The following ALKBH8 variants were observed in gnomAD, a reference collection of about 807,000 sequenced individuals.
ALKBH8 encodes alkB homolog 8, tRNA methyltransferase, also known as tRNA (carboxymethyluridine(34)-5-O)-methyltransferase ALKBH8.
In ALKBH8, 36 loss-of-function variants were observed where a neutral mutation model predicts 59.8. That is an observed-to-expected ratio of 0.60 (90% CI 0.46 to 0.79). The LOEUF is 0.79. Among genes scored for constraint, ALKBH8 ranks in the 30% least tolerant of loss-of-function variants. ALKBH8 has a pLI of 0.00. For synonymous variants in ALKBH8, 276 were observed against 273.6 expected, an observed-to-expected ratio of 1.01 and a Z score of -0.09; for missense variants, 768 against 801.0, an observed-to-expected ratio of 0.96 and a Z score of 0.50.
chr11:107,532,723 G>T lies in ALKBH8; in HGVS notation c.772-317C>A, dbSNP rs972986934. ...CAGGATCACACCGTAGAAAACAGCAGAGTAGAGGTCAAACACAGGGACTTT... is the reference window on the plus strand; with the variant it reads ...CAGGATCACACCGTAGAAAACAGCATAGTAGAGGTCAAACACAGGGACTTT... On this transcript the variant is annotated intron_variant, in intron 7 of 11. Coordinates refer to ENST00000428149, the MANE Select transcript of ALKBH8 (RefSeq NM_138775.3). Among the ~76,000 whole-genome samples, 4 of 152,240 alleles carry T rather than the reference G, an allele frequency of 2.6e-5. No homozygotes were observed. In the South Asian group the frequency reaches 8.3e-4, roughly 32 times the overall value.
chr11:107,521,427 G>T (rs901722208), intron 10 of ALKBH8, among the ~76,000 whole-genome samples: 1 of 151,786 alleles, frequency 6.6e-6, no homozygotes, highest in Non-Finnish European at 1.5e-5. Context: ...CTTCATGTAG[G>T]TGCACAATAT....
At chr11:107,545,776 G>C (rs1467104110) in intron 7 of ALKBH8, among the ~76,000 whole-genome samples, 2 of 152,104 alleles carry the variant, frequency 1.3e-5, no homozygotes, top group African/African-American at 4.8e-5. Flanking sequence ...CCAGTGCAAT[G>C]CAAACCCAAA....
At chr11:107,509,540 G>A (rs1394124068) in intron 11 of ALKBH8, among the ~76,000 whole-genome samples, 1 of 151,990 alleles carries the variant, frequency 6.6e-6, no homozygotes. Context: ...TGTTGCCTGT[G>A]CTTTTAGTAT....
rs112063060 is a variant in ALKBH8 at position 107,551,465 on chromosome 11, G to A, written c.700+343C>T. On this transcript the variant is annotated intron_variant, in intron 6 of 11. Transcript: ENST00000428149. ...TCCCAGCACTTTGGGAGGCTGAGGC[G>A]GGCAGATCACCTGAGGTCAGGAGTT... 6.9e-3 allele frequency among the ~76,000 whole-genome samples: 1,056 copies of A among 151,990 alleles called. 9 individuals carry two copies. Among genetic ancestry groups the A allele is most frequent in the African/African-American group, 0.024 (992 of 41,470 alleles).
At chr11:107,533,044 C>CA (rs900975942) in intron 7 of ALKBH8, among the ~76,000 whole-genome samples, 10 of 148,990 alleles carry the variant, frequency 6.7e-5, no homozygotes, top group South Asian at 4.3e-4. Context: ...AAGAGACAAT[C>CA]AAAAAAAAAG....
At position 107,560,748 on chromosome 11, in the gene ALKBH8, T is replaced by C. The variant is rs201726946; in HGVS notation, c.129+17A>G. 3.5e-5 allele frequency: 55 copies of C among 1,588,876 alleles called. No individual in the cohort carries two copies. In the East Asian group the frequency reaches 7.8e-4, roughly 23 times the overall value. On this transcript the variant is annotated intron_variant, in intron 2 of 11. Coordinates refer to ENST00000428149, the MANE Select transcript of ALKBH8 (RefSeq NM_138775.3). ...CAGTACATTTACATTCTAATAATAA[T>C]AGTAGTTTTAGGTCACCTGAGTGGC...
chr11:107,546,479 C>A (rs1864259915), intron 7 of ALKBH8, among the ~76,000 whole-genome samples: 1 of 152,096 alleles, frequency 6.6e-6, no homozygotes, highest in Non-Finnish European at 1.5e-5. Flanking sequence ...CCCGATGCAG[C>A]CTACTCCTTG....
At chr11:107,534,098 C>T (rs2135529681) in intron 7 of ALKBH8, among the ~76,000 whole-genome samples, 1 of 152,112 alleles carries the variant, frequency 6.6e-6, no homozygotes, top group Non-Finnish European at 1.5e-5. Flanking sequence ...CCACTACACT[C>T]CAGCCTGGGA....
chr11:107,518,353 T>C (rs1322650736), intron 10 of ALKBH8, among the ~76,000 whole-genome samples: 2 of 152,212 alleles, frequency 1.3e-5, no homozygotes, highest in African/African-American at 2.4e-5. Context: ...TGAAGTGCAG[T>C]GTGCGATTAT....
At chr11:107,553,050 TCTA>T (rs1565345897) in intron 5 of ALKBH8, 55 bp downstream of exon 5, 2 of 1,039,036 alleles carry the variant, frequency 1.9e-6, no homozygotes, top group Non-Finnish European at 2.8e-6. Flanking sequence ...ACTATCATAT[TCTA>T]CTAATATATT....
chr11:107,540,874 T>A (rs1184610319), intron 7 of ALKBH8, among the ~76,000 whole-genome samples: 1 of 152,262 alleles, frequency 6.6e-6, no homozygotes. Context: ...TAAATTATAT[T>A]CAACAAATAT....
chr11:107,556,848 T>C lies in ALKBH8; in HGVS notation c.285A>G (p.Arg95=), dbSNP rs1273055416. The C allele has an allele frequency of 3.8e-6, 6 of 1,583,394 alleles. No homozygotes were observed. ...ARYRTTEESK[R]AYVTLNGKEV... is the part of the protein sequence containing the mutation. ...CTTTTCCATTGAGGGTAACATAGGC[T>C]CTCTTAGATTCTTCTGTAGTTCTGT... is the stretch of plus-strand genomic sequence containing the variant. The change falls in exon 3 of 12, where the codon AGA becomes AGG. Residue 95 remains arginine (R), a synonymous_variant. Transcript: ENST00000428149.
chr11:107,515,633 A>G (rs1862831697), intron 10 of ALKBH8, among the ~76,000 whole-genome samples: 2 of 152,196 alleles, frequency 1.3e-5, no homozygotes, highest in South Asian at 4.1e-4. Flanking sequence ...CTAGGATTAC[A>G]GGTATGACCC....
chr11:107,563,737 C>T (rs2135601346), intron 1 of ALKBH8: 1 of 152,322 alleles, frequency 6.6e-6, no homozygotes, highest in Middle Eastern at 3.4e-3. Flanking sequence ...TGAGCAAACA[C>T]TGCAAAGAAG....
chr11:107,529,969 G>T (rs111410010), intron 8 of ALKBH8, among the ~76,000 whole-genome samples: 1 of 152,088 alleles, frequency 6.6e-6, no homozygotes, highest in Non-Finnish European at 1.5e-5. Context: ...AGAGAAGTAG[G>T]CCCCCACCTA....
intron 6 of ALKBH8, among the ~76,000 whole-genome samples, chr11:107,550,627 A>AG (rs1310890223): frequency 6.6e-6 from 1 of 152,230 alleles, no homozygotes; most frequent in Non-Finnish European, 1.5e-5. Flanking sequence ...TCTAATTCAG[A>AG]GGTGTAGTAT....
At chr11:107,532,793 G>A (rs771848990) in intron 7 of ALKBH8, among the ~76,000 whole-genome samples, 1 of 152,016 alleles carries the variant, frequency 6.6e-6, no homozygotes, top group African/African-American at 2.4e-5. Context: ...TATTAGCCAC[G>A]TGACACAGGA....
In ALKBH8 at chr11:107,531,078, TTTTTTA is replaced by T. The variant is rs1450964834; in HGVS notation, c.878+1216_878+1221del. On this transcript the variant is annotated intron_variant, in intron 8 of 11. Transcript: ENST00000428149. Reference sequence around the variant, plus strand: ...AAATTAATGGATCACATCATCATTTTTTTTTATTTTAAGTGCAAATATTTTAATGGC... The same window carrying T: ...AAATTAATGGATCACATCATCATTTTTTTTAAGTGCAAATATTTTAATGGC... Among the ~76,000 whole-genome samples, 4 of 152,098 alleles carry T rather than the reference TTTTTTA, an allele frequency of 2.6e-5. No individual in the cohort carries two copies. In the East Asian group the frequency reaches 7.7e-4, roughly 29 times the overall value.
intron 6 of ALKBH8, among the ~76,000 whole-genome samples, 188 bp from the exon 7 acceptor site, chr11:107,550,011 A>T (rs1332815397): frequency 6.6e-6 from 1 of 152,250 alleles, no homozygotes; most frequent in African/African-American, 2.4e-5. Flanking sequence ...AACTAAAAAT[A>T]TCTTAACTTC....
Sources: gnomAD v4.1 joint callset for allele counts (sites outside exome capture counted in the v4.1 genomes callset) on GRCh38, gnomAD v4.1.1 for gene constraint, MANE v1.5 for transcripts, NCBI Gene and HGNC (gene_info 2026-07-23, HGNC 2026-07-21) for gene names.